The following PCDHGA12 variants were observed in gnomAD, a reference collection of about 807,000 sequenced individuals.
The protein encoded by PCDHGA12 is protocadherin gamma-A12.
Under a neutral mutation model 61.1 loss-of-function variants are expected in PCDHGA12, and 43 were observed. That is an observed-to-expected ratio of 0.70 (90% CI 0.55 to 0.91). The LOEUF (loss-of-function observed/expected upper bound fraction) is 0.91. Among genes scored for constraint, PCDHGA12 ranks in the 40% least tolerant of loss-of-function variants. The pLI, the probability that PCDHGA12 is intolerant of heterozygous loss-of-function variation, is 0.00. For synonymous variants in PCDHGA12, 520 were observed against 542.9 expected, an observed-to-expected ratio of 0.96 and a Z score of 0.59; for missense variants, 1,236 against 1,227.7, an observed-to-expected ratio of 1.01 and a Z score of -0.10.
Position 141,493,554 on chromosome 5 carries a change from G to A in PCDHGA12, c.2425-1253G>A, listed in dbSNP as rs2099748882. The stretch of plus-strand genomic sequence containing the variant: ...GGCCAGTTATCCTTTTGGAGATTGA[G>A]TTCCCCCAGCTCCGTTTCCTCCTAT... On this transcript the variant is annotated intron_variant, in intron 1 of 3. Coordinates refer to ENST00000252085, the MANE Select transcript of PCDHGA12 (RefSeq NM_003735.3). The surrounding 1 kb of genome is among the most constrained non-coding windows in gnomAD (Gnocchi z 4.3). 6.6e-6 allele frequency among the ~76,000 whole-genome samples: 1 copy of A among 152,166 alleles called. No homozygotes were observed. Among genetic ancestry groups the A allele is most frequent in the Admixed American group, 6.5e-5 (1 of 15,282 alleles).
Position 141,490,924 on chromosome 5 carries a change from C to A in PCDHGA12, c.2425-3883C>A. 1 of 1,613,680 alleles carries A rather than the reference C, an allele frequency of 6.2e-7. No individual in the cohort carries two copies. Among genetic ancestry groups the A allele is most frequent in the Non-Finnish European group, 8.5e-7 (1 of 1,179,694 alleles). On this transcript the variant is annotated intron_variant, in intron 1 of 3. Coordinates refer to ENST00000252085, the MANE Select transcript of PCDHGA12 (RefSeq NM_003735.3). The surrounding 1 kb of genome is among the most constrained non-coding windows in gnomAD (Gnocchi z 5.4). ...TGTCCTAGACGAGAATGATAATGCC[C>A]CAGCTGTGCTGCACCCACGGCCAGA...
At chr5:141,435,447 A>C (rs2097764160) in intron 1 of PCDHGA12, among the ~76,000 whole-genome samples, 1 of 152,168 alleles carries the variant, frequency 6.6e-6, no homozygotes, top group Non-Finnish European at 1.5e-5. Context: ...CATTAATACG[A>C]TATCTGTATG....
At position 141,471,885 on chromosome 5, in the gene PCDHGA12, A is replaced by G. The variant is rs180968509; in HGVS notation, c.2425-22922A>G. ...ACTGTGGTTGCCTGAGGCTGAAGCT[A>G]GGAAGATTGACTACAGACAAGCATG... On this transcript the variant is annotated intron_variant, in intron 1 of 3. Transcript: ENST00000252085. Among the ~76,000 whole-genome samples the G allele has an allele frequency of 1.9e-3, 294 of 152,338 alleles. 1 individual carries two copies. Among genetic ancestry groups the G allele is most frequent in the Middle Eastern group, 0.017 (5 of 294 alleles).
In PCDHGA12 at chr5:141,476,012, T is replaced by C. The variant is rs2099383969; in HGVS notation, c.2425-18795T>C. The stretch of plus-strand genomic sequence containing the variant: ...CAAATCAACGGCATCCAGAAAGCCA[T>C]GTCGGACTCGGCGCCCAGCGCCCAA... On this transcript the variant is annotated intron_variant, in intron 1 of 3. Coordinates refer to ENST00000252085, the MANE Select transcript of PCDHGA12 (RefSeq NM_003735.3). This position sits in a 1 kb window ranked among gnomAD's most constrained non-coding sequence, Gnocchi z 7.6. 7.6e-7 allele frequency: 1 copy of C among 1,317,178 alleles called. No individual in the cohort carries two copies. The highest frequency in any genetic ancestry group is 1.4e-5 in the South Asian group (1 of 69,696). The allele number at this position is 1,317,178 out of a possible 1,614,324, so 81.6% of individuals were successfully genotyped here. A position where few individuals can be genotyped will look rare whatever the true frequency, so the allele number is the denominator to read the frequency against.
At chr5:141,501,883 G>A (rs1204174131) in intron 2 of PCDHGA12, among the ~76,000 whole-genome samples, 1 of 152,022 alleles carries the variant, frequency 6.6e-6, no homozygotes, top group African/African-American at 2.4e-5. Flanking sequence ...TTACACTCCT[G>A]ATCATCATGG....
chr5:141,467,811 A>T (rs562932160), intron 1 of PCDHGA12, among the ~76,000 whole-genome samples: 1 of 152,164 alleles, frequency 6.6e-6, no homozygotes, highest in African/African-American at 2.4e-5. Flanking sequence ...GGCACATGCC[A>T]CCACACCAGG....
At chr5:141,506,682 C>T (rs1333272766) in intron 3 of PCDHGA12, among the ~76,000 whole-genome samples, 4 of 152,192 alleles carry the variant, frequency 2.6e-5, no homozygotes, top group African/African-American at 9.6e-5. Context: ...ATATTATTAT[C>T]TTTGCTGACC....
rs781198519 is a variant in PCDHGA12 at position 141,432,162 on chromosome 5, G to A, written c.1403G>A (p.Gly468Glu). ...SAYIPENNPRGVSLVSVTAHD... is the reference protein window; with the variant it reads ...SAYIPENNPREVSLVSVTAHD... ...TATATCCCAGAGAACAATCCCAGAG[G>A]AGTTTCCCTCGTCTCTGTGACCGCC... The change falls in exon 1 of 4, where the codon GGA becomes GAA. Residue 468 changes from glycine (G) to glutamate (E), a missense_variant. By Grantham distance (98) the Gly-to-Glu change is moderately conservative (BLOSUM62 -2). Coordinates refer to ENST00000252085, the MANE Select transcript of PCDHGA12 (RefSeq NM_003735.3). The surrounding 1 kb of genome is among the most constrained non-coding windows in gnomAD (Gnocchi z 6.0). 1 of 1,614,070 alleles carries A rather than the reference G, an allele frequency of 6.2e-7. No homozygotes were observed. The highest frequency in any genetic ancestry group is 8.5e-7 in the Non-Finnish European group (1 of 1,180,030).
At chr5:141,494,937 G>A (rs759078748) in intron 2 of PCDHGA12, 72 bp downstream of exon 2, 130 of 1,612,276 alleles carry the variant, frequency 8.1e-5, no homozygotes, top group Non-Finnish European at 1.1e-4. Context: ...GAGGAGATGG[G>A]GGAGGGCCCA....
At chr5:141,500,369 C>T (rs1034629981) in intron 2 of PCDHGA12, among the ~76,000 whole-genome samples, 4 of 151,866 alleles carry the variant, frequency 2.6e-5, no homozygotes, top group Admixed American at 6.6e-5. Flanking sequence ...CTACCACGCC[C>T]GGCTAATTAT....
At chr5:141,459,846 A>G (rs945742948) in intron 1 of PCDHGA12, among the ~76,000 whole-genome samples, 1 of 152,170 alleles carries the variant, frequency 6.6e-6, no homozygotes, top group Admixed American at 6.5e-5. Context: ...CTATTTGTAT[A>G]TCTTCTTGAA....
At chr5:141,448,200 T>C (rs2098574351) in intron 1 of PCDHGA12, among the ~76,000 whole-genome samples, 1 of 152,156 alleles carries the variant, frequency 6.6e-6, no homozygotes, top group Non-Finnish European at 1.5e-5. Context: ...CTTACAAACA[T>C]TTTCTGTGTG....
chr5:141,467,756 T>A (rs1312303182), intron 1 of PCDHGA12, among the ~76,000 whole-genome samples: 5 of 151,988 alleles, frequency 3.3e-5, no homozygotes, highest in African/African-American at 1.2e-4. Flanking sequence ...CCGCCTCACA[T>A]GCTCAAGTGC....
At chr5:141,473,988 G>C (rs1006988447) in intron 1 of PCDHGA12, among the ~76,000 whole-genome samples, 8 of 152,118 alleles carry the variant, frequency 5.3e-5, no homozygotes, top group Non-Finnish European at 4.4e-5. Context: ...AGGATCCCTT[G>C]AGCCCAAGGA....
In PCDHGA12 at chr5:141,482,326, GAAT is replaced by G. The variant is rs1344469521; in HGVS notation, c.2425-12479_2425-12477del. Among the ~76,000 whole-genome samples, 3 of 152,072 alleles carry G rather than the reference GAAT, an allele frequency of 2.0e-5. No homozygotes were observed. The East Asian group carries it at 5.8e-4, about 29-fold the overall frequency. ...AGTTTCCTCATCTATAAAATAAAGAGAATATCTACTTTGCAAACTTGTTGTGAG... is the reference window on the plus strand; with the variant it reads ...AGTTTCCTCATCTATAAAATAAAGAGATCTACTTTGCAAACTTGTTGTGAG... On this transcript the variant is annotated intron_variant, in intron 1 of 3. Transcript: ENST00000252085.
At chr5:141,436,707 T>C (rs985035872) in intron 1 of PCDHGA12, among the ~76,000 whole-genome samples, 18 of 152,208 alleles carry the variant, frequency 1.2e-4, no homozygotes, top group African/African-American at 4.3e-4. Context: ...GCACACTCGA[T>C]GTTCTGTTGG....
chr5:141,448,669 G>A (rs553283446), intron 1 of PCDHGA12, among the ~76,000 whole-genome samples: 13 of 152,136 alleles, frequency 8.5e-5, no homozygotes, highest in African/African-American at 7.2e-5. Flanking sequence ...GGCCGGGCGC[G>A]GTGGCTCACG....
At chr5:141,438,621 T>C (rs1164140266) in intron 1 of PCDHGA12, among the ~76,000 whole-genome samples, 4 of 41,368 alleles carry the variant, frequency 9.7e-5, no homozygotes, top group Admixed American at 3.5e-4. Flanking sequence ...TATATATATA[T>C]ATATATATAT....
intron 1 of PCDHGA12, among the ~76,000 whole-genome samples, chr5:141,448,931 C>G (rs966398044): frequency 1.3e-5 from 2 of 152,040 alleles, no homozygotes; most frequent in African/African-American, 4.8e-5. Context: ...GGCGACAGAG[C>G]AAGACTGCAA....
Sources: gnomAD v4.1 joint callset for allele counts (sites outside exome capture counted in the v4.1 genomes callset) on GRCh38, gnomAD v4.1.1 for gene constraint, Gnocchi (gnomAD v3.1) non-coding constraint, MANE v1.5 for transcripts, NCBI Gene and HGNC (gene_info 2026-07-23, HGNC 2026-07-21) for gene names.